Variants in RBFOX1 observed in about 807,000 individuals in gnomAD.
RBFOX1 encodes the protein RNA binding protein fox-1 homolog 1.
RBFOX1 carries 8 observed loss-of-function variants against 57.7 expected under a neutral mutation model. The ratio of observed to expected loss-of-function variants is 0.14; its 90% CI spans 0.08 to 0.25. The LOEUF (loss-of-function observed/expected upper bound fraction) is 0.25. RBFOX1 is among the 10% of genes least tolerant of loss of function. The pLI is 1.00. For synonymous variants in RBFOX1, 326 were observed against 222.4 expected (o/e 1.47, Z -4.15); for missense variants, 611 against 548.5 (o/e 1.11, Z -1.14).
At chr16:5,968,229 C>T (rs541100446) in intron 4 of RBFOX1, among the ~76,000 whole-genome samples, 12 of 152,148 alleles carry the variant, frequency 7.9e-5, no homozygotes, top group African/African-American at 2.7e-4. Flanking sequence ...CATGTACCAC[C>T]ATGCCCGGTT....
At chr16:7,379,877 G>C (rs13335027) in intron 4 of RBFOX1, among the ~76,000 whole-genome samples, 11 of 151,310 alleles carry the variant, frequency 7.3e-5, no homozygotes, top group African/African-American at 2.7e-4. Flanking sequence ...TTTCTAGATA[G>C]AGTCTTGCCT....
chr16:7,328,973 A>T (rs954508917), intron 4 of RBFOX1, among the ~76,000 whole-genome samples: 23 of 152,098 alleles, frequency 1.5e-4, no homozygotes, highest in South Asian at 4.1e-4. Flanking sequence ...AACTTTTTTT[A>T]AAAAAAGAAT....
At chr16:6,003,407 T>A (rs563992403) in intron 4 of RBFOX1, among the ~76,000 whole-genome samples, 15 of 152,196 alleles carry the variant, frequency 9.9e-5, no homozygotes, top group Admixed American at 9.8e-4. Flanking sequence ...CTCCTCTCAA[T>A]GCACCTGCTC....
chr16:5,438,073 A>G (rs911558874), intron 1 of RBFOX1, among the ~76,000 whole-genome samples: 10 of 152,242 alleles, frequency 6.6e-5, no homozygotes, highest in Non-Finnish European at 5.9e-5. Context: ...TAGATGACCC[A>G]TTGTTCATCT....
At chr16:7,301,232 A>C (rs528660476) in intron 4 of RBFOX1, among the ~76,000 whole-genome samples, 22 of 152,332 alleles carry the variant, frequency 1.4e-4, no homozygotes, top group African/African-American at 5.1e-4. Flanking sequence ...GATGTTATCA[A>C]TGGAAAAGTG....
At chr16:6,981,815 G>C (rs1006764034) in intron 3 of RBFOX1, among the ~76,000 whole-genome samples, 30 of 152,286 alleles carry the variant, frequency 2.0e-4, no homozygotes, top group African/African-American at 7.0e-4. Flanking sequence ...GTCAAGATGA[G>C]ATTGGGGTGG....
At chr16:5,969,332 A>T (rs1449380613) in intron 4 of RBFOX1, among the ~76,000 whole-genome samples, 1 of 120,030 alleles carries the variant, frequency 8.3e-6, no homozygotes, top group African/African-American at 3.2e-5. Flanking sequence ...TTGGTTTGGA[A>T]ATGGAGTCTC....
At chr16:5,546,560 C>G (rs2045214504) in intron 2 of RBFOX1, among the ~76,000 whole-genome samples, 1 of 152,070 alleles carries the variant, frequency 6.6e-6, no homozygotes. Flanking sequence ...CATCCATGTG[C>G]AAACAAATGA....
At chr16:7,515,369 C>A (rs950758940) in intron 4 of RBFOX1, among the ~76,000 whole-genome samples, 2 of 150,522 alleles carry the variant, frequency 1.3e-5, no homozygotes, top group Non-Finnish European at 2.9e-5. Flanking sequence ...AAGACAGATA[C>A]ATTCTGGAGA....
chr16:5,727,733 G>C (rs1208944807), intron 3 of RBFOX1, among the ~76,000 whole-genome samples: 1 of 152,158 alleles, frequency 6.6e-6, no homozygotes, highest in Admixed American at 6.5e-5. Context: ...TTGTCACCCA[G>C]GTTGAGTACA....
At chr16:6,963,547 ATG>A (rs375563069) in intron 3 of RBFOX1, among the ~76,000 whole-genome samples, 219 of 152,276 alleles carry the variant, frequency 1.4e-3, no homozygotes, top group African/African-American at 5.1e-3. Flanking sequence ...GCAATGTAAA[ATG>A]TACATTTTGG....
At chr16:6,691,095 G>C (rs2060141397) in intron 3 of RBFOX1, among the ~76,000 whole-genome samples, 1 of 152,106 alleles carries the variant, frequency 6.6e-6, no homozygotes, top group Admixed American at 6.6e-5. Context: ...TGTGTCTTGA[G>C]AGATGTTGGG....
intron 2 of RBFOX1, among the ~76,000 whole-genome samples, chr16:5,545,367 C>T (rs1050761024): frequency 5.3e-5 from 8 of 152,052 alleles, no homozygotes; most frequent in Admixed American, 2.0e-4. Flanking sequence ...TTTTAGGAGA[C>T]AGGTATTGCC....
chr16:5,377,038 C>G (rs2066003729), intron 1 of RBFOX1, among the ~76,000 whole-genome samples: 1 of 151,678 alleles, frequency 6.6e-6, no homozygotes, highest in African/African-American at 2.4e-5. Context: ...GGATCCACTT[C>G]TGGGGGAGCC....
chr16:6,194,891 T>A (rs866232866), intron 1 of RBFOX1, among the ~76,000 whole-genome samples: 7 of 152,212 alleles, frequency 4.6e-5, no homozygotes, highest in African/African-American at 7.2e-5. Flanking sequence ...AATATCTGAG[T>A]GACTACTAGA....
chr16:6,471,693 G>C (rs180997024), intron 2 of RBFOX1, among the ~76,000 whole-genome samples: 22 of 152,194 alleles, frequency 1.4e-4, no homozygotes, highest in Non-Finnish European at 7.4e-5. Flanking sequence ...GAAAGACCAT[G>C]AGCCACAGGG....
chr16:7,181,278 C>G (rs775124258), intron 4 of RBFOX1, among the ~76,000 whole-genome samples: 3 of 152,168 alleles, frequency 2.0e-5, no homozygotes, highest in African/African-American at 7.2e-5. Flanking sequence ...AGTACCAGAA[C>G]TGAATGAATG....
At chr16:5,402,133 AG>A (rs145901498) in intron 1 of RBFOX1, among the ~76,000 whole-genome samples, 4,257 of 152,220 alleles carry the variant, frequency 0.028, 185 homozygotes, top group African/African-American at 0.09. Context: ...GGCAAGAGGA[AG>A]GGGCAGAGAC....
intron 3 of RBFOX1, among the ~76,000 whole-genome samples, chr16:5,694,179 C>G (rs925517252): frequency 1.3e-5 from 2 of 152,156 alleles, no homozygotes; most frequent in African/African-American, 4.8e-5. Context: ...ATTTTGCATT[C>G]TGCATTTTTC....
Sources: allele counts gnomAD v4.1 joint callset (sites outside exome capture counted in the v4.1 genomes callset), GRCh38; gene constraint gnomAD v4.1.1; transcripts MANE v1.5; gene names NCBI Gene and HGNC (gene_info 2026-07-23, HGNC 2026-07-21).